TAFA2: variants seen among roughly 807,000 people sequenced by gnomAD.
TAFA2 encodes the protein TAFA chemokine like family member 2.
Under a neutral mutation model 18.8 loss-of-function variants are expected in TAFA2, and 7 were observed. The observed-to-expected ratio is 0.37, with a 90% confidence interval of 0.21 to 0.70. TAFA2 has a LOEUF of 0.70. Ranked by LOEUF, TAFA2 falls within the 30% of genes least tolerant of loss-of-function variation. The pLI is 0.53. For synonymous variants in TAFA2, 60 were observed against 54.2 expected, an observed-to-expected ratio of 1.11 and a Z score of -0.47; for missense variants, 122 against 158.1, an observed-to-expected ratio of 0.77 and a Z score of 1.23.
chr12:61,845,690 A>C (rs1358971712), intron 2 of TAFA2, among the ~76,000 whole-genome samples: 1 of 152,074 alleles, frequency 6.6e-6, no homozygotes, highest in Non-Finnish European at 1.5e-5. Context: ...TTCCAAAGAG[A>C]CTATCTTAGC....
chr12:61,721,582 T>A (rs1223066785), intron 4 of TAFA2, among the ~76,000 whole-genome samples: 1 of 152,174 alleles, frequency 6.6e-6, no homozygotes, highest in African/African-American at 2.4e-5. Flanking sequence ...AATTATGTAA[T>A]CCTCATTAAC....
At chr12:62,049,803 A>C (rs1882003203) in intron 1 of TAFA2, among the ~76,000 whole-genome samples, 1 of 152,216 alleles carries the variant, frequency 6.6e-6, no homozygotes, top group Non-Finnish European at 1.5e-5. Context: ...TATTAGAAAC[A>C]AGAGAATATG....
chr12:62,111,921 T>C (rs1198733108), intron 1 of TAFA2, among the ~76,000 whole-genome samples: 1 of 152,238 alleles, frequency 6.6e-6, no homozygotes. Context: ...AGAACACTGA[T>C]GTGTCTTGAC....
chr12:61,973,606 G>C (rs187463336), intron 1 of TAFA2, among the ~76,000 whole-genome samples: 279 of 151,728 alleles, frequency 1.8e-3, no homozygotes, highest in African/African-American at 4.8e-3. Flanking sequence ...CCCCTAGGGT[G>C]AGGCAAAGAC....
intron 1 of TAFA2, among the ~76,000 whole-genome samples, chr12:62,209,685 G>A (rs1053547128): frequency 2.6e-5 from 4 of 152,206 alleles, no homozygotes; most frequent in African/African-American, 9.7e-5. Context: ...AGGAGAAGGG[G>A]AGTGAGAGCC....
At chr12:62,010,595 G>A (rs1425494626) in intron 1 of TAFA2, among the ~76,000 whole-genome samples, 1 of 152,100 alleles carries the variant, frequency 6.6e-6, no homozygotes, top group African/African-American at 2.4e-5. Flanking sequence ...GGGAAGTGGA[G>A]AGCGTCTCTG....
chr12:61,727,736 T>G (rs1380204500), intron 4 of TAFA2, among the ~76,000 whole-genome samples: 2 of 152,048 alleles, frequency 1.3e-5, no homozygotes, highest in Non-Finnish European at 2.9e-5. Flanking sequence ...CTTTGTTATT[T>G]CTTTTCTTCT....
intron 1 of TAFA2, among the ~76,000 whole-genome samples, chr12:62,175,956 T>C (rs988670617): frequency 6.6e-6 from 1 of 151,930 alleles, no homozygotes; most frequent in Non-Finnish European, 1.5e-5. Flanking sequence ...CCCACCTTTT[T>C]CAGCAATATT....
rs1871803076 is a variant in TAFA2, at chr12:61,810,122, G to A, written c.107-55098C>T. On this transcript the variant is annotated intron_variant, in intron 2 of 4. Transcript: ENST00000416284. ...ATACAAGTTTCCTGTTACTATTCCTGTATAATTTACAGTTTTCCCAAATAC... is the reference window on the plus strand; with the variant it reads ...ATACAAGTTTCCTGTTACTATTCCTATATAATTTACAGTTTTCCCAAATAC... Among the ~76,000 whole-genome samples the A allele has an allele frequency of 3.3e-5, 5 of 151,208 alleles. No homozygotes were observed. The South Asian group carries it at 1.0e-3, about 31-fold the overall frequency.
intron 1 of TAFA2, among the ~76,000 whole-genome samples, chr12:62,087,075 C>G (rs1372126840): frequency 6.6e-6 from 1 of 151,926 alleles, no homozygotes; most frequent in East Asian, 1.9e-4. Flanking sequence ...ATAAGAGGCA[C>G]TTAGAGTAGT....
chr12:61,811,674 G>A (rs922480494), intron 2 of TAFA2, among the ~76,000 whole-genome samples: 8 of 151,318 alleles, frequency 5.3e-5, no homozygotes, highest in African/African-American at 2.0e-4. Flanking sequence ...TTTTAGCAGG[G>A]AGTCAGAGCA....
chr12:62,104,764 CG>C (rs1310791917), intron 1 of TAFA2: 4 of 453,804 alleles, frequency 8.8e-6, no homozygotes, highest in Non-Finnish European at 1.8e-5. Context: ...GGGTGACCAT[CG>C]GTGTAAGCTA....
At chr12:61,990,299 A>C (rs2136687676) in intron 1 of TAFA2, among the ~76,000 whole-genome samples, 1 of 145,434 alleles carries the variant, frequency 6.9e-6, no homozygotes, top group Admixed American at 6.8e-5. Context: ...TTATTAGACT[A>C]TTTATTAAGT....
chr12:62,093,715 C>T (rs1301887946), intron 1 of TAFA2, among the ~76,000 whole-genome samples: 3 of 152,026 alleles, frequency 2.0e-5, no homozygotes, highest in Non-Finnish European at 4.4e-5. Context: ...AGCACCAAAG[C>T]CTACATTGCA....
intron 1 of TAFA2, chr12:61,880,137 A>G (rs1875056251): frequency 1.7e-6 from 1 of 585,000 alleles, no homozygotes; most frequent in Non-Finnish European, 3.1e-6. Context: ...GAGATCGCCA[A>G]CTGCAGCTGG....
At chr12:61,835,946 C>T (rs1454593108) in intron 2 of TAFA2, among the ~76,000 whole-genome samples, 2 of 151,848 alleles carry the variant, frequency 1.3e-5, no homozygotes, top group South Asian at 2.1e-4. Flanking sequence ...TACACAATTG[C>T]CCTTATCATC....
At chr12:62,011,027 C>A (rs1880740699) in intron 1 of TAFA2, among the ~76,000 whole-genome samples, 1 of 147,518 alleles carries the variant, frequency 6.8e-6, no homozygotes, top group Non-Finnish European at 1.5e-5. Flanking sequence ...CTCTGCCCGG[C>A]CACCCCATCT....
At position 61,798,433 on chromosome 12, in the gene TAFA2, G is replaced by A. The variant is rs138110879; in HGVS notation, c.107-43409C>T. 5.9e-5 allele frequency among the ~76,000 whole-genome samples: 9 copies of A among 152,124 alleles called. No homozygotes were observed. In the East Asian group the frequency reaches 1.7e-3, roughly 29 times the overall value. The stretch of plus-strand genomic sequence containing the variant: ...TTACACATAAAATTTACCATTTTTA[G>A]TGTACACTTCAGTGGCATTAAGTGC... On this transcript the variant is annotated intron_variant, in intron 2 of 4. Transcript: ENST00000416284.
At chr12:62,187,444 C>A (rs535841451) in intron 1 of TAFA2, among the ~76,000 whole-genome samples, 1 of 152,050 alleles carries the variant, frequency 6.6e-6, no homozygotes, top group Non-Finnish European at 1.5e-5. Flanking sequence ...GTTCTGATCA[C>A]CCTGTTACGT....
Sources: allele counts gnomAD v4.1 joint callset (sites outside exome capture counted in the v4.1 genomes callset), GRCh38; gene constraint gnomAD v4.1.1; transcripts MANE v1.5; gene names NCBI Gene and HGNC (gene_info 2026-07-23, HGNC 2026-07-21).